Variants in INPP5K observed in about 807,000 individuals in gnomAD.
INPP5K encodes inositol polyphosphate 5-phosphatase K.
In INPP5K, 35 loss-of-function variants were observed where a neutral mutation model predicts 53.5. The observed-to-expected ratio is 0.65, with a 90% CI of 0.50 to 0.87. The LOEUF (loss-of-function observed/expected upper bound fraction) is 0.87. Among genes scored for constraint, INPP5K ranks in the 40% least tolerant of loss-of-function variants. INPP5K has a pLI of 0.00. For missense variants in INPP5K, 550 were observed against 586.2 expected (o/e 0.94, Z 0.64); for synonymous variants, 253 against 232.8 (o/e 1.09, Z -0.79).
At chr17:1,514,013 AAGG>A (rs1207965360) in intron 1 of INPP5K, 34 bp from the exon 2 acceptor site, 1 of 1,493,674 alleles carries the variant, frequency 6.7e-7, no homozygotes, top group South Asian at 1.2e-5. Flanking sequence ...GTCATGGAGG[AAGG>A]AGGATAAGAT....
At chr17:1,509,013 G>A (rs2075236930) in intron 5 of INPP5K, 165 bp downstream of exon 5, 5 of 615,718 alleles carry the variant, frequency 8.1e-6, no homozygotes, top group Admixed American at 2.5e-5. Context: ...GGCGGTCAGC[G>A]TGGGGCAGAG....
rs2074794345 is a variant in INPP5K, at chr17:1,495,119, A to T, written c.*704T>A. The T allele has an allele frequency of 6.6e-6, 1 of 152,250 alleles. No individual in the cohort carries two copies. Among genetic ancestry groups the T allele is most frequent in the Non-Finnish European group, 1.5e-5 (1 of 68,062 alleles). 9.4% of individuals were successfully genotyped at this position (152,250 alleles called of 1,614,324 possible). ...GGGACTCAAGCTACCAACGGAAGCGAACCTGGATCCTTCCCAGTTCTCTCT... is the reference window on the plus strand; with the variant it reads ...GGGACTCAAGCTACCAACGGAAGCGTACCTGGATCCTTCCCAGTTCTCTCT... On this transcript the variant is annotated 3_prime_UTR_variant, in exon 12 of 12. Coordinates refer to ENST00000421807, the MANE Select transcript of INPP5K (RefSeq NM_016532.4).
chr17:1,513,767 C>G, intron 2 of INPP5K, 105 bp downstream of exon 2: 1 of 988,430 alleles, frequency 1.0e-6, no homozygotes, highest in African/African-American at 1.6e-5. Flanking sequence ...AGGCTGAAAG[C>G]TCCCAGCCTT....
chr17:1,499,767 G>A (rs1419345328), intron 7 of INPP5K, among the ~76,000 whole-genome samples: 1 of 152,152 alleles, frequency 6.6e-6, no homozygotes, highest in Non-Finnish European at 1.5e-5. Context: ...CGGGGGAGCA[G>A]GACAGCTGCG....
At chr17:1,508,766 C>T (rs1375352339) in intron 5 of INPP5K, among the ~76,000 whole-genome samples, 2 of 141,226 alleles carry the variant, frequency 1.4e-5, no homozygotes. Context: ...GTCTGCAGAC[C>T]CAGGCTCACT....
intron 7 of INPP5K, among the ~76,000 whole-genome samples, chr17:1,498,396 C>T (rs1014990128): frequency 6.6e-6 from 1 of 152,114 alleles, no homozygotes; most frequent in African/African-American, 2.4e-5. Flanking sequence ...AGAAACATTC[C>T]ATTTCAAAGC....
intron 7 of INPP5K, among the ~76,000 whole-genome samples, chr17:1,504,773 G>T (rs754440258): frequency 6.6e-6 from 1 of 152,226 alleles, no homozygotes; most frequent in Non-Finnish European, 1.5e-5. Context: ...CTGTTATTTG[G>T]AAATAGGTGC....
At position 1,506,993 on chromosome 17, in the gene INPP5K, C is replaced by A. The variant is rs370393047; in HGVS notation, c.763G>T (p.Asp255Tyr). 25 of 1,613,320 alleles carry A rather than the reference C, an allele frequency of 1.5e-5. No homozygotes were observed. The East Asian group carries it at 4.7e-4, about 30-fold the overall frequency. The change falls in exon 7 of 12, where the codon GAC becomes TAC. Residue 255 changes from aspartate (D) to tyrosine (Y), a missense_variant. Physicochemically the swap from Asp to Tyr is radical, Grantham distance 160. Transcript: ENST00000421807. ...PTYKFDRNSN[D>Y]YDTSEKKRKP... ...CTCCCTCCTCACCTGGTGTCATAGT[C>A]GTTGGAGTTCCTATCAAACTTGTAG...
chr17:1,508,138 C>G lies in INPP5K; in HGVS notation c.643G>C (p.Gly215Arg), dbSNP rs61733755. 9.4e-4 allele frequency: 1,514 copies of G among 1,613,910 alleles called. 14 individuals carry two copies. The African/African-American group carries it at 0.016, about 17-fold the overall frequency. ...VRESIKNRCY[G>R]GLWEKDQLSI... ...ACCTGGTCCTTCTCCCACAGGCCACCGTAGCACCGATTTTTAATGGATTCC... is the reference window on the plus strand; with the variant it reads ...ACCTGGTCCTTCTCCCACAGGCCACGGTAGCACCGATTTTTAATGGATTCC... Residue 215 changes from glycine (G) to arginine (R), a missense_variant, in exon 6 of 12, where the codon GGT becomes CGT. By Grantham distance (125) the Gly-to-Arg change is moderately radical. Coordinates refer to ENST00000421807, the MANE Select transcript of INPP5K (RefSeq NM_016532.4).
In INPP5K at chr17:1,496,377, T is replaced by G. The variant is rs1200246159; in HGVS notation, c.1127A>C (p.Tyr376Ser). 1 of 1,564,560 alleles carries G rather than the reference T, an allele frequency of 6.4e-7. No individual in the cohort carries two copies. Among genetic ancestry groups the G allele is most frequent in the Non-Finnish European group, 8.7e-7 (1 of 1,154,102 alleles). The change falls in exon 10 of 12, where the codon TAC becomes TCC. Residue 376 changes from tyrosine to serine, a missense_variant. Physicochemically the swap from Tyr to Ser is moderately radical, Grantham distance 144. Coordinates refer to ENST00000421807, the MANE Select transcript of INPP5K (RefSeq NM_016532.4). ...YKVGLRDVND[Y>S]VSYAWVGDSK... is the part of the protein sequence containing the mutation. ...GTCCCCGACCCAGGCATAGGACACG[T>G]AGTCATTAACGTCCCGCAGCCCCAC... is the stretch of plus-strand genomic sequence containing the variant.
intron 7 of INPP5K, among the ~76,000 whole-genome samples, chr17:1,505,869 T>C (rs1039692693): frequency 6.6e-6 from 1 of 152,162 alleles, no homozygotes. Flanking sequence ...AAGGGGCTCT[T>C]CTTTTCTTCA....
chr17:1,513,905 T>C lies in INPP5K; in HGVS notation c.119A>G (p.Asn40Ser), dbSNP rs547379014. Residue 40 changes from asparagine to serine, a missense_variant, in exon 2 of 12, where the codon AAC becomes AGC. Asn to Ser is a conservative substitution (Grantham distance 46). Coordinates refer to ENST00000421807, the MANE Select transcript of INPP5K (RefSeq NM_016532.4). ...LDLSDLLQLN[N>S]RNLNLDIYVI... Reference sequence around the variant, plus strand: ...ATATATGTCAAGATTGAGGTTCCGGTTGTTCAGCTGAAGCAGGTCACTGAG... The same window carrying C: ...ATATATGTCAAGATTGAGGTTCCGGCTGTTCAGCTGAAGCAGGTCACTGAG... The C allele has an allele frequency of 6.1e-5, 99 of 1,613,308 alleles. No homozygotes were observed. The Admixed American group carries it at 1.6e-3, about 26-fold the overall frequency.
At chr17:1,502,052 A>T (rs2075030061) in intron 7 of INPP5K, among the ~76,000 whole-genome samples, 1 of 142,418 alleles carries the variant, frequency 7.0e-6, no homozygotes, top group Non-Finnish European at 1.5e-5. Context: ...AAAAAGAAAA[A>T]AACAAACAAA....
Position 1,502,176 on chromosome 17 carries a change from C to T in INPP5K, c.777-4054G>A, listed in dbSNP as rs771695913. Among the ~76,000 whole-genome samples the T allele has an allele frequency of 1.0e-3, 154 of 152,074 alleles. 1 individual carries two copies. The highest frequency in any genetic ancestry group is 1.1e-3 in the Non-Finnish European group (77 of 68,004). ...CATCCTGGCTAACATGGTGAAACCC[C>T]GTCTCTACTAAAAATACAAAAAATT... On this transcript the variant is annotated intron_variant, in intron 7 of 11. Transcript: ENST00000421807.
intron 7 of INPP5K, among the ~76,000 whole-genome samples, chr17:1,501,531 C>T (rs1004560779): frequency 6.6e-6 from 1 of 152,174 alleles, no homozygotes; most frequent in African/African-American, 2.4e-5. Context: ...AATTAAAGGG[C>T]GTCAAGGGGG....
chr17:1,511,475 A>AGCGT (rs1821535158), intron 3 of INPP5K, among the ~76,000 whole-genome samples: 1 of 152,098 alleles, frequency 6.6e-6, no homozygotes, highest in Admixed American at 6.5e-5. Flanking sequence ...CCGGGTGGGG[A>AGCGT]GCGTGTACTG....
chr17:1,516,520 G>C lies in INPP5K; in HGVS notation c.-21C>G. On this transcript the variant is annotated 5_prime_UTR_variant, in exon 1 of 12. Transcript: ENST00000421807. ...CTCATGGCCGCCGTCGTCCCCGCGCGGTGGTCCGGCAGGTTCGCGTCTCCC... is the reference window on the plus strand; with the variant it reads ...CTCATGGCCGCCGTCGTCCCCGCGCCGTGGTCCGGCAGGTTCGCGTCTCCC... 3.8e-6 allele frequency: 6 copies of C among 1,562,280 alleles called. No individual in the cohort carries two copies. Among genetic ancestry groups the C allele is most frequent in the Non-Finnish European group, 5.2e-6 (6 of 1,163,942 alleles).
intron 7 of INPP5K, among the ~76,000 whole-genome samples, chr17:1,502,695 G>A (rs756999180): frequency 4.6e-5 from 7 of 152,202 alleles, no homozygotes; most frequent in Non-Finnish European, 8.8e-5. Flanking sequence ...CAAGCAAAGT[G>A]AGCGTGTACA....
Position 1,498,014 on chromosome 17 carries a change from C to A in INPP5K, c.885G>T (p.Leu295Phe), listed in dbSNP as rs1006294329. The change falls in exon 8 of 12, where the codon TTG becomes TTT. Residue 295 changes from leucine to phenylalanine, a missense_variant. By Grantham distance (22) the Leu-to-Phe change is conservative. Transcript: ENST00000421807. ...TPIPPASHFSLSLRGYSSHMT... is the reference protein window; with the variant it reads ...TPIPPASHFSFSLRGYSSHMT... Reference sequence around the variant, plus strand: ...TGTGGCTGCTGTAGCCCCTCAGAGACAAGGAGAAGTGTGACGCCGGCGGTA... The same window carrying A: ...TGTGGCTGCTGTAGCCCCTCAGAGAAAAGGAGAAGTGTGACGCCGGCGGTA... 6.2e-7 allele frequency: 1 copy of A among 1,614,128 alleles called. No homozygotes were observed. Among genetic ancestry groups the A allele is most frequent in the South Asian group, 1.1e-5 (1 of 91,086 alleles).
Sources: allele counts gnomAD v4.1 joint callset (sites outside exome capture counted in the v4.1 genomes callset), GRCh38; gene constraint gnomAD v4.1.1; transcripts MANE v1.5; gene names NCBI Gene and HGNC (gene_info 2026-07-23, HGNC 2026-07-21).